PDE4D: variants seen among roughly 807,000 people sequenced by gnomAD.
The protein encoded by PDE4D is 3',5'-cyclic-AMP phosphodiesterase 4D.
In PDE4D, 24 loss-of-function variants were observed where a neutral mutation model predicts 87.4. The ratio of observed to expected loss-of-function variants is 0.27; its 90% confidence interval spans 0.20 to 0.39. The LOEUF is 0.39. Ranked by LOEUF, PDE4D falls within the 10% of genes least tolerant of loss-of-function variation. The pLI, the probability that PDE4D is intolerant of heterozygous loss-of-function variation, is 1.00. For synonymous variants in PDE4D, 384 were observed against 383.2 expected (o/e 1.00, Z -0.02); for missense variants, 714 against 1,041.0 (o/e 0.69, Z 4.32).
chr5:59,030,186 G>GGACT (rs1757086950), intron 6 of PDE4D, among the ~76,000 whole-genome samples: 1 of 151,726 alleles, frequency 6.6e-6, no homozygotes, highest in South Asian at 2.1e-4. Flanking sequence ...TAGACAAATA[G>GGACT]GACTACATTA....
At chr5:60,400,016 T>G (rs962441318) in intron 1 of PDE4D, among the ~76,000 whole-genome samples, 8 of 152,234 alleles carry the variant, frequency 5.3e-5, no homozygotes, top group African/African-American at 1.9e-4. Context: ...AGCAAGGGCA[T>G]CAGGCCATAT....
chr5:59,291,158 T>C (rs1189819983), intron 1 of PDE4D, among the ~76,000 whole-genome samples: 4 of 152,052 alleles, frequency 2.6e-5, no homozygotes, highest in Non-Finnish European at 5.9e-5. Context: ...CTATTAACAA[T>C]AGCCAGGATT....
intron 1 of PDE4D, among the ~76,000 whole-genome samples, chr5:59,682,502 G>A (rs960202446): frequency 7.9e-5 from 12 of 152,150 alleles, no homozygotes; most frequent in African/African-American, 1.9e-4. Context: ...GAATGTTTAC[G>A]TTGCCTCCAA....
intron 3 of PDE4D, among the ~76,000 whole-genome samples, chr5:59,920,960 C>T (rs577202711): frequency 1.3e-5 from 2 of 152,150 alleles, no homozygotes; most frequent in South Asian, 4.1e-4. Context: ...GCAATGTATA[C>T]CTATGTAACA....
At chr5:60,155,359 T>G (rs1384616363) in intron 2 of PDE4D, among the ~76,000 whole-genome samples, 1 of 152,208 alleles carries the variant, frequency 6.6e-6, no homozygotes, top group Non-Finnish European at 1.5e-5. Context: ...CCTTTTTATA[T>G]GCTTATTGAC....
At chr5:59,410,711 T>C (rs1043426360) in intron 1 of PDE4D, among the ~76,000 whole-genome samples, 1 of 152,170 alleles carries the variant, frequency 6.6e-6, no homozygotes, top group Non-Finnish European at 1.5e-5. Flanking sequence ...CCATTGTTTA[T>C]AGGTACTGCA....
At chr5:60,500,789 T>G (rs1318074201) in intron 1 of PDE4D, among the ~76,000 whole-genome samples, 1 of 152,162 alleles carries the variant, frequency 6.6e-6, no homozygotes, top group Non-Finnish European at 1.5e-5. Flanking sequence ...TTGATGAGAC[T>G]TAAAGATAAT....
rs867265295 is a variant in PDE4D at position 59,140,084 on chromosome 5, G to A, written c.808+40511C>T. ...GTAGGATTGTGGAAGGCACATAAGGGTAAAATAGTATCACATTTCTAAACT... is the reference window on the plus strand; with the variant it reads ...GTAGGATTGTGGAAGGCACATAAGGATAAAATAGTATCACATTTCTAAACT... On this transcript the variant is annotated intron_variant, in intron 5 of 14. Coordinates refer to ENST00000340635, the MANE Select transcript of PDE4D (RefSeq NM_001104631.2). Among the ~76,000 whole-genome samples, 3 of 152,312 alleles carry A rather than the reference G, an allele frequency of 2.0e-5. No individual in the cohort carries two copies. The South Asian group carries it at 6.2e-4, about 32-fold the overall frequency.
At chr5:59,368,403 G>A (rs544675977) in intron 1 of PDE4D, among the ~76,000 whole-genome samples, 122 of 152,204 alleles carry the variant, frequency 8.0e-4, no homozygotes, top group Admixed American at 3.6e-3. Flanking sequence ...TTTATAAAAC[G>A]TTAGTATGCT....
chr5:59,923,478 A>AC (rs1754909246), intron 3 of PDE4D, among the ~76,000 whole-genome samples: 1 of 151,814 alleles, frequency 6.6e-6, no homozygotes, highest in South Asian at 2.1e-4. Context: ...TGCTAGTGTC[A>AC]CCCCTCCCCA....
intron 2 of PDE4D, among the ~76,000 whole-genome samples, chr5:60,168,418 C>T (rs1249475547): frequency 6.6e-6 from 1 of 152,164 alleles, no homozygotes; most frequent in African/African-American, 2.4e-5. Flanking sequence ...TATTTTCTAA[C>T]TAACCATTCC....
intron 6 of PDE4D, among the ~76,000 whole-genome samples, chr5:59,005,526 C>T (rs2153358034): frequency 6.6e-6 from 1 of 152,284 alleles, no homozygotes; most frequent in East Asian, 1.9e-4. Flanking sequence ...GCCACGGTAG[C>T]TGCTATCTGC....
chr5:59,284,995 A>G (rs112915908), intron 1 of PDE4D, among the ~76,000 whole-genome samples: 16,829 of 85,278 alleles, frequency 0.2, 1,918 homozygotes, highest in Admixed American at 0.31. Context: ...TCTCACTCAT[A>G]GGTGGGAATT....
intron 1 of PDE4D, among the ~76,000 whole-genome samples, chr5:59,673,732 G>T (rs1747605268): frequency 6.6e-6 from 1 of 152,128 alleles, no homozygotes; most frequent in South Asian, 2.1e-4. Context: ...ATTGAAAGAA[G>T]AGAAATAGAA....
intron 1 of PDE4D, among the ~76,000 whole-genome samples, chr5:60,511,028 G>A (rs1382932391): frequency 6.6e-6 from 1 of 152,128 alleles, no homozygotes; most frequent in Non-Finnish European, 1.5e-5. Flanking sequence ...GGAGTGGAGT[G>A]CAGTGGCGAG....
intron 5 of PDE4D, among the ~76,000 whole-genome samples, chr5:59,171,961 ATATAT>A (rs1205518037): frequency 4.7e-5 from 5 of 107,180 alleles, no homozygotes; most frequent in Middle Eastern, 4.3e-3. Flanking sequence ...AATTATATTT[ATATAT>A]TATATATTTA....
intron 3 of PDE4D, among the ~76,000 whole-genome samples, chr5:59,908,951 T>C (rs1336164648): frequency 6.6e-6 from 1 of 152,246 alleles, no homozygotes; most frequent in Non-Finnish European, 1.5e-5. Flanking sequence ...TTTGATCTTA[T>C]ATTTTCAACT....
intron 1 of PDE4D, among the ~76,000 whole-genome samples, chr5:60,507,649 T>A (rs1750382362): frequency 6.7e-6 from 1 of 148,548 alleles, no homozygotes; most frequent in Non-Finnish European, 1.5e-5. Flanking sequence ...TTTCTTTATT[T>A]AAAAAAAAAA....
intron 1 of PDE4D, among the ~76,000 whole-genome samples, chr5:59,295,744 C>T (rs1207084870): frequency 6.6e-6 from 1 of 151,920 alleles, no homozygotes; most frequent in Admixed American, 6.6e-5. Flanking sequence ...AATGGCGGCT[C>T]TCAGAGAAAG....
Sources: gnomAD v4.1 joint callset for allele counts (sites outside exome capture counted in the v4.1 genomes callset) on GRCh38, gnomAD v4.1.1 for gene constraint, MANE v1.5 for transcripts, NCBI Gene and HGNC (gene_info 2026-07-23, HGNC 2026-07-21) for gene names.